LINGO2: variants seen among roughly 807,000 people sequenced by gnomAD.
The protein encoded by LINGO2 is leucine rich repeat and Ig domain containing 2, also known as leucine-rich repeat and immunoglobulin-like domain-containing nogo receptor-interacting protein 2.
In LINGO2, 14 loss-of-function variants were observed where a neutral mutation model predicts 30.6. That is an observed-to-expected ratio of 0.46 (90% CI 0.30 to 0.72). LINGO2 has a LOEUF of 0.72. Among genes scored for constraint, LINGO2 ranks in the 30% least tolerant of loss-of-function variants. LINGO2 has a pLI of 0.07. For missense variants in LINGO2, 729 were observed against 751.7 expected, an observed-to-expected ratio of 0.97 and a Z score of 0.35; for synonymous variants, 317 against 288.5, an observed-to-expected ratio of 1.10 and a Z score of -1.00.
chr9:28,642,579 A>G (rs556965664), intron 1 of LINGO2, among the ~76,000 whole-genome samples: 9 of 152,310 alleles, frequency 5.9e-5, no homozygotes, highest in Non-Finnish European at 1.3e-4. Flanking sequence ...ACTAGTCTTA[A>G]GTGATTTCTA....
chr9:29,008,961 A>G, the LINGO2 span, among the ~76,000 whole-genome samples: 24 of 152,316 alleles, frequency 1.6e-4, no homozygotes, highest in African/African-American at 5.5e-4. Context: ...GATGCAAAAA[A>G]GGCCTTCAAA....
chr9:28,342,248 T>C (rs1471917556), intron 3 of LINGO2, among the ~76,000 whole-genome samples: 1 of 152,174 alleles, frequency 6.6e-6, no homozygotes, highest in African/African-American at 2.4e-5. Flanking sequence ...TCTTCTAATC[T>C]ATGTTGTTAC....
At chr9:29,125,877 G>A in the LINGO2 span, among the ~76,000 whole-genome samples, 4 of 152,014 alleles carry the variant, frequency 2.6e-5, no homozygotes, top group Non-Finnish European at 5.9e-5. Flanking sequence ...GGTAACAGAA[G>A]GGATTTTTAT....
At chr9:28,009,355 T>TAAAA (rs72535340) in intron 5 of LINGO2, among the ~76,000 whole-genome samples, 1 of 145,076 alleles carries the variant, frequency 6.9e-6, no homozygotes, top group South Asian at 2.2e-4. Flanking sequence ...GCACAAGTGA[T>TAAAA]AAAAAAAAAA....
intron 1 of LINGO2, among the ~76,000 whole-genome samples, chr9:28,590,367 C>G (rs1213775743): frequency 6.6e-6 from 1 of 151,976 alleles, no homozygotes; most frequent in Admixed American, 6.6e-5. Context: ...AGTGAACAGG[C>G]AACCTACAGA....
chr9:28,291,002 A>G (rs973291485), intron 4 of LINGO2, among the ~76,000 whole-genome samples: 2 of 152,142 alleles, frequency 1.3e-5, no homozygotes, highest in African/African-American at 4.8e-5. Context: ...TCTTGTGAGG[A>G]AAAACCCTGC....
the LINGO2 span, among the ~76,000 whole-genome samples, chr9:28,737,660 T>G: frequency 6.6e-6 from 1 of 152,184 alleles, no homozygotes; most frequent in African/African-American, 2.4e-5. Context: ...ATGTCAGCTT[T>G]CTTTCTTTTC....
At chr9:28,990,446 G>A in the LINGO2 span, among the ~76,000 whole-genome samples, 1 of 152,186 alleles carries the variant, frequency 6.6e-6, no homozygotes, top group Non-Finnish European at 1.5e-5. Flanking sequence ...AAACAAAAAG[G>A]CAGCAGTAAC....
At chr9:28,445,811 C>A (rs1282819938) in intron 2 of LINGO2, among the ~76,000 whole-genome samples, 1 of 152,108 alleles carries the variant, frequency 6.6e-6, no homozygotes. Flanking sequence ...AAGATGAAAT[C>A]CTGTGGCTAT....
chr9:28,251,992 G>T (rs979731004), intron 4 of LINGO2, among the ~76,000 whole-genome samples: 62 of 152,054 alleles, frequency 4.1e-4, no homozygotes, highest in African/African-American at 1.5e-3. Flanking sequence ...GCTATGTGAC[G>T]TTGGCCAATT....
chr9:29,186,004 AC>A, the LINGO2 span, among the ~76,000 whole-genome samples: 2 of 152,050 alleles, frequency 1.3e-5, no homozygotes, highest in African/African-American at 4.8e-5. Context: ...CCCAAACCAA[AC>A]TTTCCAGGTC....
At chr9:28,732,487 G>C in the LINGO2 span, among the ~76,000 whole-genome samples, 31 of 152,146 alleles carry the variant, frequency 2.0e-4, no homozygotes, top group African/African-American at 6.3e-4. Context: ...TTTACCCCTT[G>C]AATATGGTAG....
At chr9:28,408,513 C>T (rs1016601760) in intron 2 of LINGO2, among the ~76,000 whole-genome samples, 6 of 151,444 alleles carry the variant, frequency 4.0e-5, no homozygotes, top group Middle Eastern at 3.4e-3. Context: ...AGCAAACTAT[C>T]GCAAGGACAA....
chr9:28,153,968 T>A (rs1297645174), intron 4 of LINGO2, among the ~76,000 whole-genome samples: 1 of 152,200 alleles, frequency 6.6e-6, no homozygotes, highest in Non-Finnish European at 1.5e-5. Context: ...CATACACATT[T>A]GTTAAATTAT....
chr9:29,080,165 A>G, the LINGO2 span, among the ~76,000 whole-genome samples: 1 of 152,040 alleles, frequency 6.6e-6, no homozygotes, highest in African/African-American at 2.4e-5. Context: ...TTCCTGGTTT[A>G]GTCTTGGGAG....
At chr9:27,997,499 G>C (rs1261568313) in intron 5 of LINGO2, among the ~76,000 whole-genome samples, 1 of 151,918 alleles carries the variant, frequency 6.6e-6, no homozygotes, top group Non-Finnish European at 1.5e-5. Context: ...CCCCTTGTTG[G>C]GCCTCAGACT....
At chr9:28,113,337 G>A in intron 4 of LINGO2, among the ~76,000 whole-genome samples, 1 of 89,196 alleles carries the variant, frequency 1.1e-5, no homozygotes, top group Non-Finnish European at 2.1e-5. Flanking sequence ...TTTGAAGTCA[G>A]GTAGTGTGAT....
intron 4 of LINGO2, among the ~76,000 whole-genome samples, chr9:28,252,230 T>G (rs1044081607): frequency 3.9e-5 from 6 of 152,116 alleles, no homozygotes; most frequent in Admixed American, 1.3e-4. Flanking sequence ...TAACACTTTT[T>G]TTTGTTTGTT....
chr9:27,993,378 C>G (rs1337909946), intron 5 of LINGO2, among the ~76,000 whole-genome samples: 1 of 151,970 alleles, frequency 6.6e-6, no homozygotes, highest in Non-Finnish European at 1.5e-5. Flanking sequence ...TCCTATCTAT[C>G]AATAAAAGCC....
Sources: gnomAD v4.1 joint callset for allele counts (sites outside exome capture counted in the v4.1 genomes callset) on GRCh38, gnomAD v4.1.1 for gene constraint, MANE v1.5 for transcripts, NCBI Gene and HGNC (gene_info 2026-07-23, HGNC 2026-07-21) for gene names.